JMJD7: variants seen among roughly 807,000 people sequenced by gnomAD.
JMJD7 encodes jumonji domain containing 7.
Under a neutral mutation model 41.1 loss-of-function variants are expected in JMJD7, and 41 were observed. The ratio of observed to expected loss-of-function variants is 1.00; its 90% CI spans 0.78 to 1.30. The LOEUF (loss-of-function observed/expected upper bound fraction) is 1.30, where lower values mean the gene tolerates loss of function less well. Ranked by LOEUF, JMJD7 falls within the 50% of genes most tolerant of loss-of-function variation. The pLI, the probability that JMJD7 is intolerant of heterozygous loss-of-function variation, is 0.00. For synonymous variants in JMJD7, 202 were observed against 177.2 expected, an observed-to-expected ratio of 1.14 and a Z score of -1.11; for missense variants, 480 against 420.7, an observed-to-expected ratio of 1.14 and a Z score of -1.23.
In JMJD7 at chr15:41,834,869, A is replaced by G. The variant is rs1222429445; in HGVS notation, c.194A>G (p.Gln65Arg). ...GCTCTGCAGCACTGGCCGGCCCTCC[A>G]GAAGTGGTCCCTCCCCTATTTCAGG... Reference protein sequence around the residue: ...RNALQHWPALQKWSLPYFRAT... With the variant: ...RNALQHWPALRKWSLPYFRAT... Residue 65 changes from glutamine (Q) to arginine (R), a missense_variant, in exon 2 of 8, where the codon CAG (glutamine) becomes CGG (arginine). Physicochemically the swap from Gln to Arg is conservative, Grantham distance 43. Transcript: ENST00000397299. 1.2e-6 allele frequency: 2 copies of G among 1,614,114 alleles called. No homozygotes were observed. The highest frequency in any genetic ancestry group is 4.5e-5 in the East Asian group (2 of 44,888).
intron 1 of JMJD7, among the ~76,000 whole-genome samples, chr15:41,831,762 T>A (rs533232076): frequency 1.3e-5 from 2 of 152,266 alleles, no homozygotes; most frequent in African/African-American, 4.8e-5. Flanking sequence ...TATGGCTCAG[T>A]AAAGCTCCTC....
At chr15:41,835,330 G>A (rs1286999903) in intron 3 of JMJD7, 107 bp downstream of exon 3, 2 of 1,453,470 alleles carry the variant, frequency 1.4e-6, no homozygotes, top group Admixed American at 2.3e-5. Context: ...GCTTGGTCCT[G>A]TCAGCATCTG....
chr15:41,833,015 G>C (rs1828614687), intron 1 of JMJD7, among the ~76,000 whole-genome samples: 2 of 152,218 alleles, frequency 1.3e-5, no homozygotes, highest in Non-Finnish European at 2.9e-5. Context: ...TGGAAGAGTA[G>C]GTTGGGCCTG....
rs1284111572 is a variant in JMJD7 at position 41,834,979 on chromosome 15, G to A, written c.228G>A (p.Val76=). The change falls in exon 3 of 8, where the codon GTG becomes GTA. Residue 76 remains valine, a synonymous_variant. Coordinates refer to ENST00000397299, the MANE Select transcript of JMJD7 (RefSeq NM_001114632.2). The part of the protein sequence containing the change: ...KWSLPYFRAT[V]GSTEVSVAVT... ...GTGTCCATTCCTCTAGAGCCACAGT[G>A]GGCTCCACAGAGGTGAGTGTGGCCG... 4 of 1,614,116 alleles carry A rather than the reference G, an allele frequency of 2.5e-6. No individual in the cohort carries two copies. The highest frequency in any genetic ancestry group is 1.7e-6 in the Non-Finnish European group (2 of 1,180,038).
At position 41,836,864 on chromosome 15, in the gene JMJD7, G is replaced by T; in HGVS notation, c.786G>T (p.Thr262=). 1 of 1,613,284 alleles carries T rather than the reference G, an allele frequency of 6.2e-7. No homozygotes were observed. Among genetic ancestry groups the T allele is most frequent in the Non-Finnish European group, 8.5e-7 (1 of 1,179,766 alleles). Residue 262 remains threonine (T), a synonymous_variant, in exon 7 of 8, where the codon ACG becomes ACT. Transcript: ENST00000397299. ...GTCAGGCCCAGGCCCTTCGCTGCAC[G>T]GTGCGGGCCGGTGAGATGCTCTATC... ...SYSQAQALRC[T]VRAGEMLYLP...
chr15:41,834,648 A>G, intron 1 of JMJD7, 92 bp from the exon 2 acceptor site: 15 of 1,538,622 alleles, frequency 9.7e-6, no homozygotes, highest in Non-Finnish European at 1.3e-5. Context: ...CCAGTGACAC[A>G]GCGCGGCCTT....
At chr15:41,832,341 GT>G in intron 1 of JMJD7, 1 of 185,478 alleles carries the variant, frequency 5.4e-6, no homozygotes, top group Middle Eastern at 2.1e-3. Flanking sequence ...GGCCACAGAG[GT>G]TTCCAGCTGG....
At chr15:41,828,675 A>G (rs2065179662) in intron 1 of JMJD7, among the ~76,000 whole-genome samples, 1 of 151,656 alleles carries the variant, frequency 6.6e-6, no homozygotes. Flanking sequence ...ATGATTTCTT[A>G]CCACTGAACA....
Position 41,837,203 on chromosome 15 carries a change from A to G in JMJD7, c.*47A>G, listed in dbSNP as rs1264087530. The G allele has an allele frequency of 2.2e-6, 3 of 1,358,022 alleles. No homozygotes were observed. In the East Asian group the frequency reaches 7.1e-5, roughly 32 times the overall value. 84.1% of individuals were successfully genotyped at this position (1,358,022 alleles called of 1,614,324 possible). On this transcript the variant is annotated 3_prime_UTR_variant, in exon 8 of 8. Coordinates refer to ENST00000397299, the MANE Select transcript of JMJD7 (RefSeq NM_001114632.2). ...CAAGCACGCCTCGGGGGACGGAGCC[A>G]GCCCCTCCCTGGCCAGGTCAATTCT...
Position 41,836,924 on chromosome 15 carries a change from C to A in JMJD7, c.846C>A (p.Ser282=). Residue 282 remains serine (S), a synonymous_variant, in exon 7 of 8, where the codon TCC becomes TCA. Coordinates refer to ENST00000397299, the MANE Select transcript of JMJD7 (RefSeq NM_001114632.2). ...TGTGGTTCCACCACGTCCAGCAGTC[C>A]CAGGGCTGCATCGCAGGTGAAGAGT... is the stretch of plus-strand genomic sequence containing the variant. ...PALWFHHVQQ[S]QGCIAVNFWY... 6.2e-7 allele frequency: 1 copy of A among 1,613,182 alleles called. No homozygotes were observed. The highest frequency in any genetic ancestry group is 1.1e-5 in the South Asian group (1 of 91,072).
At chr15:41,836,748 G>A (rs752942586) in intron 6 of JMJD7, 33 bp from the exon 7 acceptor site, 37 of 1,573,276 alleles carry the variant, frequency 2.4e-5, no homozygotes, top group Non-Finnish European at 3.0e-5. Flanking sequence ...GGGGGTCTGG[G>A]GGGCTGCTCC....
intron 1 of JMJD7, among the ~76,000 whole-genome samples, chr15:41,833,867 G>A (rs1308353785): frequency 6.6e-6 from 1 of 152,186 alleles, no homozygotes; most frequent in Non-Finnish European, 1.5e-5. Flanking sequence ...TTTGAGTGAG[G>A]ACCCAAAGGA....
chr15:41,836,496 A>G lies in JMJD7; in HGVS notation c.647A>G (p.Tyr216Cys). The change falls in exon 6 of 8, where the codon TAC (tyrosine) becomes TGC (cysteine). Residue 216 changes from tyrosine (Y) to cysteine (C), a missense_variant. By Grantham distance (194) the Tyr-to-Cys change is radical (BLOSUM62 -2). Transcript: ENST00000397299. ...IPYELYTPAT[Y>C]QLTEEGTFKV... ...CCAGAGCTGTACACGCCGGCAACCT[A>G]CCAGCTAACTGAAGAGGGCACCTTT... 3.8e-6 allele frequency: 6 copies of G among 1,591,370 alleles called. No individual in the cohort carries two copies. Among genetic ancestry groups the G allele is most frequent in the Non-Finnish European group, 5.1e-6 (6 of 1,168,440 alleles).
At chr15:41,829,720 C>T (rs2065200463) in intron 1 of JMJD7, among the ~76,000 whole-genome samples, 2 of 152,170 alleles carry the variant, frequency 1.3e-5, no homozygotes, top group South Asian at 4.1e-4. Flanking sequence ...GCAAGTAAAA[C>T]AAATCCCTAA....
intron 1 of JMJD7, among the ~76,000 whole-genome samples, chr15:41,833,073 C>T (rs1400910431): frequency 6.6e-6 from 1 of 152,074 alleles, no homozygotes; most frequent in Non-Finnish European, 1.5e-5. Flanking sequence ...CAGTGGTAAG[C>T]CATCAAGGCA....
chr15:41,832,049 T>A (rs1468470222), intron 1 of JMJD7, among the ~76,000 whole-genome samples: 1 of 152,194 alleles, frequency 6.6e-6, no homozygotes, highest in Non-Finnish European at 1.5e-5. Context: ...ACCACCATGC[T>A]TCCCAGTGTC....
intron 3 of JMJD7, among the ~76,000 whole-genome samples, 176 bp downstream of exon 3, chr15:41,835,399 ATTG>A (rs1203865540): frequency 6.6e-6 from 1 of 152,164 alleles, no homozygotes; most frequent in Non-Finnish European, 1.5e-5. Context: ...ATTGCCAAAG[ATTG>A]TTGTCCTTCC....
chr15:41,836,585 G>C (rs1266653490), intron 6 of JMJD7, 34 bp downstream of exon 6: 1 of 1,518,358 alleles, frequency 6.6e-7, no homozygotes, highest in African/African-American at 1.4e-5. Context: ...TAGGGAGGGA[G>C]AAGGGCAGAA....
At position 41,828,145 on chromosome 15, in the gene JMJD7, A is replaced by C; in HGVS notation, c.21A>C (p.Glu7Asp). MAEAAL[E>D]AVRSELREFP... ...CAGCCATGGCGGAGGCGGCTTTGGA[A>C]GCCGTGCGGAGCGAGTTACGAGAAT... is the stretch of plus-strand genomic sequence containing the variant. Residue 7 changes from glutamate (E) to aspartate (D), a missense_variant, in exon 1 of 8, where the codon GAA becomes GAC. Transcript: ENST00000397299. 6.7e-7 allele frequency: 1 copy of C among 1,481,654 alleles called. No homozygotes were observed. Among genetic ancestry groups the C allele is most frequent in the East Asian group, 2.7e-5 (1 of 36,404 alleles). 91.8% of individuals were successfully genotyped at this position (1,481,654 alleles called of 1,614,324 possible).
Sources: gnomAD v4.1 joint callset for allele counts (sites outside exome capture counted in the v4.1 genomes callset) on GRCh38, gnomAD v4.1.1 for gene constraint, MANE v1.5 for transcripts, NCBI Gene and HGNC (gene_info 2026-07-23, HGNC 2026-07-21) for gene names.